Variants in GAB2 observed in about 807,000 individuals in gnomAD.
GAB2 encodes GRB2-associated-binding protein 2.
A neutral mutation model predicts 65.5 loss-of-function variants in GAB2; 26 were observed. The observed-to-expected ratio is 0.40, with a 90% CI of 0.29 to 0.55. GAB2 has a LOEUF of 0.55. Ranked by LOEUF, GAB2 falls within the 20% of genes least tolerant of loss-of-function variation. GAB2 has a pLI of 0.53. For missense variants in GAB2, 884 were observed against 875.8 expected, an observed-to-expected ratio of 1.01 and a Z score of -0.12; for synonymous variants, 321 against 329.6, an observed-to-expected ratio of 0.97 and a Z score of 0.28.
chr11:78,286,632 T>TTAAAA (rs35833136), intron 1 of GAB2, among the ~76,000 whole-genome samples: 33,006 of 151,738 alleles, frequency 0.22, 3,897 homozygotes, highest in East Asian at 0.4. Context: ...TTAATAAAAC[T>TTAAAA]TATACGTAAG....
At chr11:78,371,632 G>T (rs1189493059) in intron 1 of GAB2, among the ~76,000 whole-genome samples, 1 of 152,124 alleles carries the variant, frequency 6.6e-6, no homozygotes, top group Non-Finnish European at 1.5e-5. Context: ...TATTTCTTTG[G>T]TGTCCACCTT....
chr11:78,222,951 G>A (rs1206791714), intron 6 of GAB2, among the ~76,000 whole-genome samples: 7 of 152,180 alleles, frequency 4.6e-5, no homozygotes, highest in Non-Finnish European at 8.8e-5. Context: ...TCCTGGCCAG[G>A]TCGGTGCAAG....
intron 1 of GAB2, among the ~76,000 whole-genome samples, chr11:78,309,927 TGTG>T (rs1208455094): frequency 0.012 from 166 of 14,160 alleles, no homozygotes; most frequent in African/African-American, 0.013. Context: ...GGGTTAGAAA[TGTG>T]TGTGTGTGTG....
At chr11:78,320,995 T>A (rs73496789) in intron 1 of GAB2, among the ~76,000 whole-genome samples, 1 of 152,126 alleles carries the variant, frequency 6.6e-6, no homozygotes, top group African/African-American at 2.4e-5. Flanking sequence ...ACTGCTGGAA[T>A]GTGGGGGTTG....
chr11:78,336,353 A>AC (rs1565164405), intron 1 of GAB2, among the ~76,000 whole-genome samples: 32 of 148,350 alleles, frequency 2.2e-4, no homozygotes, highest in African/African-American at 7.8e-4. Flanking sequence ...AAAAAAAAAA[A>AC]AAAAAAAAAC....
chr11:78,336,915 A>C (rs1390766791), intron 1 of GAB2, among the ~76,000 whole-genome samples: 5 of 152,250 alleles, frequency 3.3e-5, no homozygotes, highest in African/African-American at 1.2e-4. Flanking sequence ...AAAATATGTT[A>C]GCATCTAGTC....
intron 1 of GAB2, among the ~76,000 whole-genome samples, chr11:78,292,249 G>C (rs1320322297): frequency 6.6e-6 from 1 of 152,124 alleles, no homozygotes; most frequent in African/African-American, 2.4e-5. Context: ...TCTTCAGAAA[G>C]CGGGAAGTTA....
At position 78,287,811 on chromosome 11, in the gene GAB2, C is replaced by G. The variant is rs1195589599; in HGVS notation, c.76-6910G>C. ...TTACAGGTGTGCACTGCCACACTGG[C>G]TAATTTTTGTATTTTTATTAGAGAT... On this transcript the variant is annotated intron_variant, in intron 1 of 9. Coordinates refer to ENST00000361507, the MANE Select transcript of GAB2 (RefSeq NM_080491.3). 2.0e-5 allele frequency among the ~76,000 whole-genome samples: 3 copies of G among 150,714 alleles called. No homozygotes were observed. The East Asian group carries it at 6.0e-4, about 30-fold the overall frequency.
In GAB2 at chr11:78,270,064, G is replaced by A. The variant is rs551742181; in HGVS notation, c.376+10537C>T. 2.7e-4 allele frequency among the ~76,000 whole-genome samples: 41 copies of A among 152,216 alleles called. No homozygotes were observed. In the East Asian group the frequency reaches 7.7e-3, roughly 29 times the overall value. ...TTAGCCATCAGAGGTTAATATCGAT[G>A]TACAGATAGCACTGAGCACTTTGGA... On this transcript the variant is annotated intron_variant, in intron 2 of 9. Coordinates refer to ENST00000361507, the MANE Select transcript of GAB2 (RefSeq NM_080491.3).
intron 1 of GAB2, among the ~76,000 whole-genome samples, chr11:78,300,440 T>C (rs892429084): frequency 1.3e-5 from 2 of 151,732 alleles, no homozygotes; most frequent in Non-Finnish European, 2.9e-5. Flanking sequence ...TTTGTGAGCA[T>C]AGGTTTTCAT....
At chr11:78,224,989 G>A (rs530926144) in intron 5 of GAB2, 119 bp downstream of exon 5, 155 of 664,288 alleles carry the variant, frequency 2.3e-4, no homozygotes, top group Admixed American at 5.9e-4. Context: ...CAAGAACTTG[G>A]GCAGGGTCCT....
intron 1 of GAB2, among the ~76,000 whole-genome samples, chr11:78,325,901 G>C (rs1037254809): frequency 6.6e-6 from 1 of 152,164 alleles, no homozygotes; most frequent in Admixed American, 6.5e-5. Flanking sequence ...AACCATTTTT[G>C]TTCATTTCTT....
intron 2 of GAB2, among the ~76,000 whole-genome samples, chr11:78,275,554 T>G (rs186608320): frequency 4.5e-4 from 69 of 152,316 alleles, no homozygotes; most frequent in African/African-American, 1.5e-3. Context: ...TGACTGAATC[T>G]TTTAACATAC....
chr11:78,347,458 G>A (rs1856209688), intron 1 of GAB2, among the ~76,000 whole-genome samples: 1 of 152,136 alleles, frequency 6.6e-6, no homozygotes, highest in South Asian at 2.1e-4. Context: ...TTGAGCCTTG[G>A]TTGTACGATT....
chr11:78,292,631 T>C (rs918667817), intron 1 of GAB2, among the ~76,000 whole-genome samples: 1 of 152,186 alleles, frequency 6.6e-6, no homozygotes, highest in Admixed American at 6.5e-5. Context: ...TGTCCCATAA[T>C]AGTTAACAGC....
rs1215159288 is a variant in GAB2 at position 78,287,234 on chromosome 11, A to AAAAAGAGCAGCAAC, written c.76-6347_76-6334dup. ...AACAGAGGGGAGCTTCTTCAACTTG[A>AAAAAGAGCAGCAAC]AAAAGAGCAGCAACAAAAGACCACT... On this transcript the variant is annotated intron_variant, in intron 1 of 9. Transcript: ENST00000361507. Among the ~76,000 whole-genome samples the AAAAAGAGCAGCAAC allele has an allele frequency of 1.8e-4, 27 of 152,362 alleles. No homozygotes were observed. In the South Asian group the frequency reaches 3.1e-3, roughly 18 times the overall value.
At chr11:78,331,170 G>A (rs937770372) in intron 1 of GAB2, among the ~76,000 whole-genome samples, 7 of 151,070 alleles carry the variant, frequency 4.6e-5, no homozygotes, top group East Asian at 2.0e-4. Context: ...GACAGACACC[G>A]TCTCAAAAAA....
chr11:78,230,070 C>A (rs1864796522), intron 3 of GAB2, among the ~76,000 whole-genome samples: 1 of 152,212 alleles, frequency 6.6e-6, no homozygotes, highest in African/African-American at 2.4e-5. Context: ...GAAACTGTGT[C>A]TTACTCATTT....
chr11:78,236,596 T>C (rs1864988123), intron 3 of GAB2, among the ~76,000 whole-genome samples: 1 of 152,236 alleles, frequency 6.6e-6, no homozygotes, highest in Non-Finnish European at 1.5e-5. Flanking sequence ...ATCTTAGCTA[T>C]AGGGTTCCTT....
Sources: gnomAD v4.1 joint callset for allele counts (sites outside exome capture counted in the v4.1 genomes callset) on GRCh38, gnomAD v4.1.1 for gene constraint, MANE v1.5 for transcripts, NCBI Gene and HGNC (gene_info 2026-07-23, HGNC 2026-07-21) for gene names.